SFMBT2: variants seen among roughly 807,000 people sequenced by gnomAD.
SFMBT2 encodes the protein scm-like with four MBT domains protein 2.
SFMBT2 carries 38 observed loss-of-function variants against 110.1 expected under a neutral mutation model. The ratio of observed to expected loss-of-function variants is 0.35; its 90% CI spans 0.27 to 0.45. The LOEUF is 0.45. Among genes scored for constraint, SFMBT2 ranks in the 20% least tolerant of loss-of-function variants. SFMBT2 has a pLI of 1.00. For missense variants in SFMBT2, 1,011 were observed against 1,094.9 expected (o/e 0.92, Z 1.08); for synonymous variants, 425 against 425.4 (o/e 1.00, Z 0.01).
chr10:7,363,175 A>G (rs1844778829), intron 4 of SFMBT2, among the ~76,000 whole-genome samples: 1 of 152,056 alleles, frequency 6.6e-6, no homozygotes, highest in Non-Finnish European at 1.5e-5. Context: ...TTCCCACGCT[A>G]TTCTCAGGAT....
intron 16 of SFMBT2, among the ~76,000 whole-genome samples, chr10:7,185,632 T>C (rs1392621401): frequency 6.6e-6 from 1 of 152,264 alleles, no homozygotes; most frequent in Admixed American, 6.5e-5. Flanking sequence ...TACCAGGATA[T>C]TTCCTCTTTA....
intron 4 of SFMBT2, among the ~76,000 whole-genome samples, chr10:7,307,450 T>C (rs1308232014): frequency 6.6e-6 from 1 of 152,082 alleles, no homozygotes; most frequent in African/African-American, 2.4e-5. Flanking sequence ...CAGTCATACA[T>C]AAACAACTTT....
intron 15 of SFMBT2, among the ~76,000 whole-genome samples, chr10:7,190,393 T>A (rs756194189): frequency 5.9e-5 from 9 of 152,250 alleles, no homozygotes; most frequent in Non-Finnish European, 8.8e-5. Flanking sequence ...CTGCATGTTA[T>A]TTGCTGCATA....
At chr10:7,398,007 G>A (rs1307248483) in intron 1 of SFMBT2, among the ~76,000 whole-genome samples, 1 of 152,128 alleles carries the variant, frequency 6.6e-6, no homozygotes, top group Non-Finnish European at 1.5e-5. Flanking sequence ...CCTTGATTAG[G>A]ACAGCAATTT....
intron 4 of SFMBT2, among the ~76,000 whole-genome samples, chr10:7,305,162 A>G (rs1842657082): frequency 6.6e-6 from 1 of 152,220 alleles, no homozygotes; most frequent in African/African-American, 2.4e-5. Flanking sequence ...TAATTACTGA[A>G]TCTCAAAAAT....
intron 15 of SFMBT2, among the ~76,000 whole-genome samples, chr10:7,196,143 T>C (rs1193376969): frequency 6.6e-6 from 1 of 151,812 alleles, no homozygotes; most frequent in Non-Finnish European, 1.5e-5. Flanking sequence ...CTCGCATCCC[T>C]CTGAGGGTGC....
chr10:7,299,122 C>T (rs1588429012), intron 4 of SFMBT2, among the ~76,000 whole-genome samples: 1 of 152,134 alleles, frequency 6.6e-6, no homozygotes, highest in South Asian at 2.1e-4. Context: ...TATTCTAAAA[C>T]CATAAAAACC....
In SFMBT2 at chr10:7,172,677, TGA is replaced by T. The variant is rs1338345130; in HGVS notation, c.1985-18_1985-17del. Reference sequence around the variant, plus strand: ...TAGTAATAGGCTGTAGGAAGGAAGATGAGAAACTTTTGAAGGCTATACACACA... The same window carrying T: ...TAGTAATAGGCTGTAGGAAGGAAGATGAAACTTTTGAAGGCTATACACACA... On this transcript the variant is annotated splice_polypyrimidine_tract_variant and intron_variant, in intron 17 of 20. Coordinates refer to ENST00000397167, the MANE Select transcript of SFMBT2 (RefSeq NM_001387889.1). The surrounding 1 kb of genome is among the most constrained non-coding windows in gnomAD (Gnocchi z 4.6). 6.2e-7 allele frequency: 1 copy of T among 1,606,174 alleles called. No homozygotes were observed. The highest frequency in any genetic ancestry group is 1.3e-5 in the African/African-American group (1 of 74,470).
In SFMBT2 at chr10:7,188,701, C is replaced by T. The variant is rs143928379; in HGVS notation, c.1731G>A (p.Lys577=). ...GTAATTCTCTTAATACCCTTCCAGG[C>T]TTGTAGGCTGCGTTGATTATCATGC... The part of the protein sequence containing the change: ...VLSMIINAAY[K]PGRVLRELQL... Residue 577 remains lysine (K), a synonymous_variant, in exon 16 of 21, where the codon AAG becomes AAA. Coordinates refer to ENST00000397167, the MANE Select transcript of SFMBT2 (RefSeq NM_001387889.1). 7.6e-4 allele frequency: 1,226 copies of T among 1,613,490 alleles called. 8 individuals carry two copies. The East Asian group carries it at 0.012, about 16-fold the overall frequency.
chr10:7,384,238 A>AAAAAAAAAAAAAAAAAAAAAAAAAAAAT (rs1554812962), intron 1 of SFMBT2, among the ~76,000 whole-genome samples: 1 of 145,412 alleles, frequency 6.9e-6, no homozygotes, highest in Non-Finnish European at 1.5e-5. Flanking sequence ...AAAAAAAAAA[A>AAAAAAAAAAAAAAAAAAAAAAAAAAAAT]CAACCACAGA....
chr10:7,191,563 T>C (rs1838602834), intron 15 of SFMBT2, among the ~76,000 whole-genome samples: 2 of 152,240 alleles, frequency 1.3e-5, no homozygotes, highest in Non-Finnish European at 2.9e-5. Flanking sequence ...CCAAAGTCCG[T>C]ATCAGAAAGG....
Position 7,367,791 on chromosome 10 carries a change from G to A in SFMBT2, c.294C>T (p.Thr98=), listed in dbSNP as rs1383767547. Residue 98 remains threonine, a synonymous_variant, in exon 4 of 21, where the codon ACC becomes ACT. Coordinates refer to ENST00000397167, the MANE Select transcript of SFMBT2 (RefSeq NM_001387889.1). This position sits in a 1 kb window ranked among gnomAD's most constrained non-coding sequence, Gnocchi z 6.2. ...PDTYWVATII[T]TCGQLLLLRY... The stretch of plus-strand genomic sequence containing the variant: ...GCAGAAGCAGCAGCTGCCCGCACGT[G>A]GTAATGATCGTGGCCACCCAGTACG... The A allele has an allele frequency of 7.4e-6, 12 of 1,614,158 alleles. No individual in the cohort carries two copies. The highest frequency in any genetic ancestry group is 9.3e-6 in the Non-Finnish European group (11 of 1,180,040).
intron 9 of SFMBT2, among the ~76,000 whole-genome samples, chr10:7,239,597 A>C (rs1229182928): frequency 6.6e-6 from 1 of 152,186 alleles, no homozygotes; most frequent in South Asian, 2.1e-4. Flanking sequence ...GCACTCTCAC[A>C]AGAGAGTAAG....
chr10:7,175,275 G>A (rs1258259581), intron 17 of SFMBT2, among the ~76,000 whole-genome samples: 1 of 152,242 alleles, frequency 6.6e-6, no homozygotes, highest in Non-Finnish European at 1.5e-5. Context: ...GAGGTGTCTG[G>A]GAGTGGCTAC....
At chr10:7,215,081 G>C (rs1839488885) in intron 11 of SFMBT2, among the ~76,000 whole-genome samples, 1 of 152,172 alleles carries the variant, frequency 6.6e-6, no homozygotes, top group Non-Finnish European at 1.5e-5. Context: ...AGGAGGAAAA[G>C]TGTATGAATC....
At chr10:7,165,591 TC>T (rs1384722151) in intron 20 of SFMBT2, among the ~76,000 whole-genome samples, 4 of 152,196 alleles carry the variant, frequency 2.6e-5, no homozygotes, top group Non-Finnish European at 4.4e-5. Context: ...AATGTGAGTG[TC>T]ATTTTTTATT....
intron 7 of SFMBT2, among the ~76,000 whole-genome samples, chr10:7,271,623 A>G (rs1236702522): frequency 6.6e-6 from 1 of 152,198 alleles, no homozygotes; most frequent in African/African-American, 2.4e-5. Context: ...AAAATGAAAG[A>G]TGAGTAGGAC....
At chr10:7,244,471 C>G (rs764708753) in intron 8 of SFMBT2, among the ~76,000 whole-genome samples, 3 of 152,130 alleles carry the variant, frequency 2.0e-5, no homozygotes, top group African/African-American at 4.8e-5. Flanking sequence ...TTTGTTAACA[C>G]AAGTATTTCC....
At chr10:7,396,979 C>T (rs921058807) in intron 1 of SFMBT2, among the ~76,000 whole-genome samples, 79 of 151,770 alleles carry the variant, frequency 5.2e-4, no homozygotes, top group Non-Finnish European at 7.7e-4. Flanking sequence ...GGGTGCAGCA[C>T]ACCAACATGG....
Sources: gnomAD v4.1 joint callset for allele counts (sites outside exome capture counted in the v4.1 genomes callset) on GRCh38, gnomAD v4.1.1 for gene constraint, Gnocchi (gnomAD v3.1) non-coding constraint, MANE v1.5 for transcripts, NCBI Gene and HGNC (gene_info 2026-07-23, HGNC 2026-07-21) for gene names.